A1CF: variants seen among roughly 807,000 people sequenced by gnomAD.
The protein encoded by A1CF is APOBEC-1 stimulating protein.
In A1CF, 48 loss-of-function variants were observed where a neutral mutation model predicts 68.9. That is an observed-to-expected ratio of 0.70 (90% CI 0.55 to 0.89). The LOEUF (loss-of-function observed/expected upper bound fraction) is 0.89. Among genes scored for constraint, A1CF ranks in the 40% least tolerant of loss-of-function variants. A1CF has a pLI of 0.00. For synonymous variants in A1CF, 272 were observed against 260.4 expected (o/e 1.04, Z -0.43); for missense variants, 653 against 718.9 (o/e 0.91, Z 1.05).
chr10:50,844,091 G>T lies in A1CF; in HGVS notation c.131C>A (p.Pro44Gln). 6.2e-7 allele frequency: 1 copy of T among 1,612,244 alleles called. No homozygotes were observed. The highest frequency in any genetic ancestry group is 8.5e-7 in the Non-Finnish European group (1 of 1,179,440). The change falls in exon 4 of 13, where the codon CCA becomes CAA. Residue 44 changes from proline (P) to glutamine (Q), a missense_variant. Pro to Gln is a moderately conservative substitution (Grantham distance 76). Coordinates refer to ENST00000373997, the MANE Select transcript of A1CF (RefSeq NM_014576.4). ...AGGGGGTGCAGCATCCCAACCAGGT[G>T]GAGGGCCACCATATTTTCTTTGTCC... ...ENGQRKYGGP[P>Q]PGWDAAPPER...
chr10:50,882,393 A>C (rs945655314), intron 1 of A1CF, among the ~76,000 whole-genome samples: 7 of 152,134 alleles, frequency 4.6e-5, no homozygotes, highest in African/African-American at 1.7e-4. Flanking sequence ...CTGAGATTGC[A>C]CCACCACTCC....
chr10:50,828,457 TG>T, intron 6 of A1CF, 162 bp from the exon 7 acceptor site: 2 of 468,900 alleles, frequency 4.3e-6, no homozygotes, highest in Non-Finnish European at 7.3e-6. Context: ...ACATTCCAAG[TG>T]GAGTAGCTGA....
chr10:50,876,846 TAC>T lies in A1CF; in HGVS notation c.-94+8733_-94+8734del, dbSNP rs550087370. Among the ~76,000 whole-genome samples the T allele has an allele frequency of 1.0e-3, 152 of 152,348 alleles. 1 individual carries two copies. Among genetic ancestry groups the T allele is most frequent in the African/African-American group, 3.5e-3 (145 of 41,592 alleles). On this transcript the variant is annotated intron_variant, in intron 1 of 12. Coordinates refer to ENST00000373997, the MANE Select transcript of A1CF (RefSeq NM_014576.4). ...AGACTTACATATTTATATGCATACTTACACAAATTTATATTTGTTTTATGCAT... is the reference window on the plus strand; with the variant it reads ...AGACTTACATATTTATATGCATACTTACAAATTTATATTTGTTTTATGCAT...
intron 7 of A1CF, 143 bp downstream of exon 7, chr10:50,827,988 C>T (rs537099184): frequency 2.6e-5 from 12 of 462,074 alleles, no homozygotes; most frequent in Admixed American, 1.2e-4. Context: ...TACAAACTAC[C>T]GTCAGAGAAT....
intron 7 of A1CF, among the ~76,000 whole-genome samples, chr10:50,823,138 G>A (rs969697769): frequency 1.6e-4 from 25 of 152,102 alleles, no homozygotes; most frequent in African/African-American, 6.0e-4. Flanking sequence ...ACTGTTGGAC[G>A]ATAACTTCCA....
chr10:50,837,339 C>T (rs926994034), intron 5 of A1CF, among the ~76,000 whole-genome samples: 8 of 152,134 alleles, frequency 5.3e-5, no homozygotes, highest in Non-Finnish European at 1.2e-4. Context: ...GTATGTACAC[C>T]TTCACTGGCA....
Position 50,800,109 on chromosome 10 carries a change from A to G in A1CF, c.*6620T>C, listed in dbSNP as rs961834912. On this transcript the variant is annotated 3_prime_UTR_variant, in exon 13 of 13. Coordinates refer to ENST00000373997, the MANE Select transcript of A1CF (RefSeq NM_014576.4). ...CTTGTGATATAGATTTTAAAATTTT[A>G]TAAACACAAATGTATTTAGAAAACA... is the stretch of plus-strand genomic sequence containing the variant. 1 of 152,170 alleles carries G rather than the reference A, an allele frequency of 6.6e-6. No homozygotes were observed. The highest frequency in any genetic ancestry group is 1.9e-4 in the East Asian group (1 of 5,206). The allele number at this position is 152,170 out of a possible 1,614,324, so 9.4% of individuals were successfully genotyped here. A position where few individuals can be genotyped will look rare whatever the true frequency, so the allele number is the denominator to read the frequency against.
chr10:50,864,194 G>A (rs1414367871), intron 1 of A1CF, 114 bp from the exon 2 acceptor site: 1 of 152,134 alleles, frequency 6.6e-6, no homozygotes, highest in East Asian at 1.9e-4. Flanking sequence ...CTGTCTCTAA[G>A]CATCAATTTC....
At chr10:50,861,036 T>A (rs1840721898) in intron 2 of A1CF, among the ~76,000 whole-genome samples, 1 of 152,196 alleles carries the variant, frequency 6.6e-6, no homozygotes, top group Non-Finnish European at 1.5e-5. Flanking sequence ...ATATAGGTAC[T>A]TTTGAAAATT....
At chr10:50,867,531 A>G (rs1001293720) in intron 1 of A1CF, among the ~76,000 whole-genome samples, 1 of 152,124 alleles carries the variant, frequency 6.6e-6, no homozygotes, top group African/African-American at 2.4e-5. Context: ...GGAGATTTGG[A>G]AGGGTAATGA....
intron 3 of A1CF, among the ~76,000 whole-genome samples, chr10:50,845,276 T>C (rs2132466119): frequency 6.6e-6 from 1 of 152,286 alleles, no homozygotes; most frequent in South Asian, 2.1e-4. Context: ...ATACTTATGC[T>C]TATAGAAAAA....
chr10:50,847,400 A>G (rs1046321104), intron 3 of A1CF, among the ~76,000 whole-genome samples: 2 of 152,172 alleles, frequency 1.3e-5, no homozygotes, highest in African/African-American at 2.4e-5. Context: ...TACTCAGTTT[A>G]TATGTCAAGA....
intron 4 of A1CF, among the ~76,000 whole-genome samples, chr10:50,843,639 TA>T (rs1027041817): frequency 3.9e-5 from 6 of 152,350 alleles, no homozygotes; most frequent in African/African-American, 1.4e-4. Flanking sequence ...AAAACTGTAT[TA>T]AAATTTCAAG....
chr10:50,806,173 G>A lies in A1CF; in HGVS notation c.*556C>T, dbSNP rs1160614375. 6.6e-6 allele frequency: 1 copy of A among 152,268 alleles called. No individual in the cohort carries two copies. The highest frequency in any genetic ancestry group is 1.5e-5 in the Non-Finnish European group (1 of 68,100). The allele number at this position is 152,268 out of a possible 1,614,324, so 9.4% of individuals were successfully genotyped here. On this transcript the variant is annotated 3_prime_UTR_variant, in exon 13 of 13. Coordinates refer to ENST00000373997, the MANE Select transcript of A1CF (RefSeq NM_014576.4). ...GGATGGAATTTTCAGGCTGAAGAGA[G>A]GTTGAAACCACAAAATCTTGGACAG...
At chr10:50,879,429 T>A (rs1841672345) in intron 1 of A1CF, among the ~76,000 whole-genome samples, 1 of 152,206 alleles carries the variant, frequency 6.6e-6, no homozygotes, top group Non-Finnish European at 1.5e-5. Context: ...TCATGGTGCC[T>A]GTATTAGTCT....
Position 50,828,272 on chromosome 10 carries a change from C to A in A1CF, c.628G>T (p.Gly210Cys). 1 of 1,580,052 alleles carries A rather than the reference C, an allele frequency of 6.3e-7. No individual in the cohort carries two copies. Among genetic ancestry groups the A allele is most frequent in the Non-Finnish European group, 8.6e-7 (1 of 1,157,170 alleles). The change falls in exon 7 of 13, where the codon GGT (glycine) becomes TGT (cysteine). Residue 210 changes from glycine to cysteine, a missense_variant. Physicochemically the swap from Gly to Cys is radical, Grantham distance 159. Coordinates refer to ENST00000373997, the MANE Select transcript of A1CF (RefSeq NM_014576.4). ...GGCTCTGCCCAGTCTACTGCAATAC[C>A]ATGTCCCCATAACTGAATTCTTCCT... ...LPGRIQLWGH[G>C]IAVDWAEPEV...
chr10:50,825,606 T>C (rs1214023519), intron 7 of A1CF, among the ~76,000 whole-genome samples: 2 of 152,230 alleles, frequency 1.3e-5, no homozygotes, highest in African/African-American at 2.4e-5. Context: ...TTTTGGGAAA[T>C]GGTAATTTGG....
At chr10:50,860,782 G>A (rs903971987) in intron 2 of A1CF, among the ~76,000 whole-genome samples, 1 of 152,036 alleles carries the variant, frequency 6.6e-6, no homozygotes, top group Non-Finnish European at 1.5e-5. Flanking sequence ...TATGATGGTT[G>A]CTCACATCCA....
intron 1 of A1CF, among the ~76,000 whole-genome samples, chr10:50,872,303 A>G (rs1841305319): frequency 6.6e-6 from 1 of 152,196 alleles, no homozygotes; most frequent in African/African-American, 2.4e-5. Context: ...TTTTAAACAT[A>G]ATTCATTTAA....
Sources: allele counts gnomAD v4.1 joint callset (sites outside exome capture counted in the v4.1 genomes callset), GRCh38; gene constraint gnomAD v4.1.1; transcripts MANE v1.5; gene names NCBI Gene and HGNC (gene_info 2026-07-23, HGNC 2026-07-21).